TTN: variants seen among roughly 807,000 people sequenced by gnomAD.
The protein encoded by TTN is titin, also known as connectin.
A neutral mutation model predicts 3,223.0 loss-of-function variants in TTN; 1,525 were observed. The observed-to-expected ratio is 0.47, with a 90% CI of 0.45 to 0.49. The LOEUF (loss-of-function observed/expected upper bound fraction) is 0.49. TTN is among the 20% of genes least tolerant of loss of function. The pLI, the probability that TTN is intolerant of heterozygous loss-of-function variation, is 0.00. For missense variants in TTN, 40,786 were observed against 43,424.0 expected, an observed-to-expected ratio of 0.94 and a Z score of 5.40; for synonymous variants, 14,094 against 15,161.0, an observed-to-expected ratio of 0.93 and a Z score of 5.17.
intron 263 of TTN, 33 bp downstream of exon 263, chr2:178,613,718 G>A (rs372608435): frequency 8.7e-6 from 14 of 1,600,654 alleles, no homozygotes; most frequent in South Asian, 1.1e-5. Context: ...ATATACTGCT[G>A]TCTTAACATC....
chr2:178,723,191 G>A lies in TTN; in HGVS notation c.21816C>T (p.Thr7272=), dbSNP rs780840662. 6.2e-7 allele frequency: 1 copy of A among 1,613,446 alleles called. No homozygotes were observed. Among genetic ancestry groups the A allele is most frequent in the East Asian group, 2.2e-5 (1 of 44,822 alleles). The part of the protein sequence containing the change: ...TWKKDGFNIT[T]SEKCNIVTTE... ...TTGTGACTATGTTACATTTTTCAGA[G>A]GTAGTTATGTTAAAACCATCCTTTT... Residue 7272 remains threonine (T), a synonymous_variant, in exon 75 of 363, where the codon ACC becomes ACT. Transcript: ENST00000589042.
intron 145 of TTN, 99 bp from the exon 146 acceptor site, chr2:178,678,016 A>C (rs2068495046): frequency 6.4e-7 from 1 of 1,554,958 alleles, no homozygotes. Context: ...GTGATCACAA[A>C]GCATCAATTA....
intron 76 of TTN, 28 bp downstream of exon 76, chr2:178,722,631 A>AT (rs2078602684): frequency 1.3e-6 from 2 of 1,592,664 alleles, no homozygotes; most frequent in South Asian, 2.3e-5. Context: ...GGAAAAAAGA[A>AT]TTTTTTTAAT....
In TTN at chr2:178,579,651, C is replaced by T. The variant is rs1199563785; in HGVS notation, c.67546G>A (p.Gly22516Arg). The part of the protein sequence containing the change: ...LQYSAKDLTE[G>R]KEYTFRVSAE... ...CTCACTCTGAAGGTATATTCCTTCC[C>T]TTCAGTCAAATCTTTTGCAGAGTAC... Residue 22516 changes from glycine to arginine, a missense_variant, in exon 319 of 363, where the codon GGG (glycine) becomes AGG (arginine). Coordinates refer to ENST00000589042, the MANE Select transcript of TTN (RefSeq NM_001267550.2). 1 of 1,613,332 alleles carries T rather than the reference C, an allele frequency of 6.2e-7. No homozygotes were observed. Among genetic ancestry groups the T allele is most frequent in the Non-Finnish European group, 8.5e-7 (1 of 1,179,506 alleles).
intron 151 of TTN, among the ~76,000 whole-genome samples, chr2:178,674,049 A>C (rs2067527482): frequency 6.6e-6 from 1 of 151,814 alleles, no homozygotes; most frequent in South Asian, 2.1e-4. Flanking sequence ...ATCTAGGAGA[A>C]ACTATTATAG....
In TTN at chr2:178,721,066, T is replaced by C. The variant is rs1019776974; in HGVS notation, c.22953A>G (p.Glu7651=). ...SWFRNDSELH[E]SWKYNMSFIN... The stretch of plus-strand genomic sequence containing the variant: ...TGAATGACATGTTGTATTTCCAACT[T>C]TCATGAAGTTCGCTGTCATTTCGGA... The change falls in exon 79 of 363, where the codon GAA becomes GAG. Residue 7651 remains glutamate, a synonymous_variant. Coordinates refer to ENST00000589042, the MANE Select transcript of TTN (RefSeq NM_001267550.2). The C allele has an allele frequency of 1.2e-6, 2 of 1,613,304 alleles. No homozygotes were observed. The highest frequency in any genetic ancestry group is 3.3e-5 in the Admixed American group (2 of 60,008).
In TTN at chr2:178,617,459, C is replaced by T. The variant is rs766025438; in HGVS notation, c.47626G>A (p.Val15876Ile). The stretch of plus-strand genomic sequence containing the variant: ...AGAGGAGGTTCCCATTTGAGCTGAA[C>T]TGATGACTGAGTCTGATCTGAGGAA... ...LTSSDQTQSSVQLKWEPPLKD... is the reference protein window; with the variant it reads ...LTSSDQTQSSIQLKWEPPLKD... Residue 15876 changes from valine (V) to isoleucine (I), a missense_variant, in exon 254 of 363, where the codon GTT becomes ATT. Coordinates refer to ENST00000589042, the MANE Select transcript of TTN (RefSeq NM_001267550.2). The T allele has an allele frequency of 1.5e-5, 24 of 1,599,072 alleles. No homozygotes were observed. The highest frequency in any genetic ancestry group is 2.0e-5 in the Non-Finnish European group (24 of 1,175,438).
In TTN at chr2:178,617,316, A is replaced by G; in HGVS notation, c.47760+9T>C. The G allele has an allele frequency of 6.4e-7, 1 of 1,560,882 alleles. No individual in the cohort carries two copies. Among genetic ancestry groups the G allele is most frequent in the Non-Finnish European group, 8.6e-7 (1 of 1,157,536 alleles). On this transcript the variant is annotated intron_variant, in intron 254 of 362. Coordinates refer to ENST00000589042, the MANE Select transcript of TTN (RefSeq NM_001267550.2). Reference sequence around the variant, plus strand: ...ATTGAATATTCTTTTTTATATGCAAATGACCTACCTTGTAAGTCAGTTCAG... The same window carrying G: ...ATTGAATATTCTTTTTTATATGCAAGTGACCTACCTTGTAAGTCAGTTCAG...
chr2:178,673,116 G>T (rs2067305386), intron 152 of TTN, among the ~76,000 whole-genome samples: 1 of 151,744 alleles, frequency 6.6e-6, no homozygotes, highest in Non-Finnish European at 1.5e-5. Flanking sequence ...TAATCTAACT[G>T]CTTAAGAGCA....
chr2:178,578,233 A>G (rs777894037), intron 321 of TTN, 48 bp from the exon 322 acceptor site: 6 of 1,528,276 alleles, frequency 3.9e-6, no homozygotes, highest in Middle Eastern at 3.4e-4. Flanking sequence ...GCTTGATTTT[A>G]CAATATATAT....
chr2:178,729,970 T>G (rs1015204919), intron 62 of TTN, 25 bp from the exon 63 acceptor site: 7 of 1,602,614 alleles, frequency 4.4e-6, no homozygotes, highest in Middle Eastern at 1.7e-4. Context: ...AGAATTGTGA[T>G]GTTGAATATT....
At chr2:178,691,978 T>G (rs1244934753) in intron 121 of TTN, 38 bp downstream of exon 121, 1 of 1,562,504 alleles carries the variant, frequency 6.4e-7, no homozygotes, top group Non-Finnish European at 8.7e-7. Context: ...GGCTGGCACT[T>G]GGAGCAAAGA....
intron 47 of TTN, chr2:178,749,052 G>C: frequency 6.2e-7 from 1 of 1,612,674 alleles, no homozygotes; most frequent in South Asian, 1.1e-5. Context: ...CCCGGGTAGT[G>C]TATCTCTTCA....
chr2:178,576,401 G>A lies in TTN; in HGVS notation c.69731C>T (p.Pro23244Leu), dbSNP rs879056292. Residue 23244 changes from proline (P) to leucine (L), a missense_variant, in exon 326 of 363, where the codon CCT (proline) becomes CTT (leucine). Coordinates refer to ENST00000589042, the MANE Select transcript of TTN (RefSeq NM_001267550.2). This position sits in a 1 kb window ranked among gnomAD's most constrained non-coding sequence, Gnocchi z 4.3. ...MKDAAYPPGPPSNPHVTDTTK... is the reference protein window; with the variant it reads ...MKDAAYPPGPLSNPHVTDTTK... The stretch of plus-strand genomic sequence containing the variant: ...AGTATCAGTGACATGCGGATTTGAA[G>A]GTGGTCCTGGAGGATCTGAGAAAGA... 3 of 1,568,626 alleles carry A rather than the reference G, an allele frequency of 1.9e-6. No homozygotes were observed. Among genetic ancestry groups the A allele is most frequent in the Non-Finnish European group, 2.6e-6 (3 of 1,164,662 alleles).
Position 178,570,724 on chromosome 2 carries a change from A to C in TTN, c.75408T>G (p.Tyr25136Ter). The C allele has an allele frequency of 1.2e-6, 2 of 1,613,598 alleles. No homozygotes were observed. Among genetic ancestry groups the C allele is most frequent in the Non-Finnish European group, 1.7e-6 (2 of 1,179,620 alleles). The change falls in exon 326 of 363, where the codon TAT (tyrosine) becomes TAG (stop). Residue 25136 changes from tyrosine to a stop codon, truncating the protein, a stop_gained. Coordinates refer to ENST00000589042, the MANE Select transcript of TTN (RefSeq NM_001267550.2). LOFTEE classifies it high-confidence loss of function. ...GESFKVDADI[Y>*]GKPIPTIQWI... ...ACTGAATGGTTGGTATTGGTTTGCC[A>C]TAAATATCTGCATCAACCTTGAATG...
intron 102 of TTN, among the ~76,000 whole-genome samples, chr2:178,705,577 G>C (rs1174185734): frequency 1.3e-5 from 2 of 151,754 alleles, no homozygotes; most frequent in Non-Finnish European, 2.9e-5. Flanking sequence ...ATAAAATATA[G>C]ATGTAGGAAT....
At chr2:178,698,710 G>T in intron 112 of TTN, 133 bp downstream of exon 112, 2 of 812,816 alleles carry the variant, frequency 2.5e-6, no homozygotes, top group Non-Finnish European at 3.8e-6. Flanking sequence ...AGACGAGGGC[G>T]AAAGTGAGTG....
intron 249 of TTN, 50 bp downstream of exon 249, chr2:178,619,938 A>G (rs2154210634): frequency 1.3e-6 from 2 of 1,595,414 alleles, no homozygotes; most frequent in South Asian, 2.3e-5. Flanking sequence ...TTTGATTAAC[A>G]ATTTTAAAAA....
At position 178,741,649 on chromosome 2, in the gene TTN, G is replaced by A. The variant is rs375406698; in HGVS notation, c.11584C>T (p.Pro3862Ser). 2 of 1,613,814 alleles carry A rather than the reference G, an allele frequency of 1.2e-6. No homozygotes were observed. Among genetic ancestry groups the A allele is most frequent in the Admixed American group, 1.7e-5 (1 of 59,996 alleles). ...AAAACAAATTTGTAGTCAGCAGAAGGGGTTAATAGCACTCCATTAAAGAAC... is the reference window on the plus strand; with the variant it reads ...AAAACAAATTTGTAGTCAGCAGAAGAGGTTAATAGCACTCCATTAAAGAAC... ...QWFFNGVLLT[P>S]SADYKFVFDG... Residue 3862 changes from proline to serine, a missense_variant, in exon 48 of 363, where the codon CCT (proline) becomes TCT (serine). By Grantham distance (74) the Pro-to-Ser change is moderately conservative. Transcript: ENST00000589042.
Sources: gnomAD v4.1 joint callset for allele counts (sites outside exome capture counted in the v4.1 genomes callset) on GRCh38, gnomAD v4.1.1 for gene constraint, Gnocchi (gnomAD v3.1) non-coding constraint, MANE v1.5 for transcripts, NCBI Gene and HGNC (gene_info 2026-07-23, HGNC 2026-07-21) for gene names.